Variants in MTRR observed in about 807,000 individuals in gnomAD.
The protein encoded by MTRR is methionine synthase reductase.
MTRR carries 63 observed loss-of-function variants against 79.2 expected under a neutral mutation model. The ratio of observed to expected loss-of-function variants is 0.80; its 90% CI spans 0.65 to 0.98. The LOEUF is 0.98. Among genes scored for constraint, MTRR ranks in the 50% least tolerant of loss-of-function variants. The pLI is 0.00. For missense variants in MTRR, 895 were observed against 839.6 expected, an observed-to-expected ratio of 1.07 and a Z score of -0.82; for synonymous variants, 355 against 313.3, an observed-to-expected ratio of 1.13 and a Z score of -1.41.
At chr5:7,873,671 TA>T in intron 3 of MTRR, 145 bp downstream of exon 3, 1 of 968,214 alleles carries the variant, frequency 1.0e-6, no homozygotes, top group Non-Finnish European at 1.5e-6. Flanking sequence ...TAAATGTATG[TA>T]ATGTGCTACC....
chr5:7,889,486 C>A (rs1327474599), intron 9 of MTRR, among the ~76,000 whole-genome samples: 1 of 152,166 alleles, frequency 6.6e-6, no homozygotes, highest in Non-Finnish European at 1.5e-5. Flanking sequence ...TTCCAGAAGT[C>A]ACAGAATTCC....
At chr5:7,869,051 G>A (rs1256050774), upstream of MTRR, 7 of 1,523,394 alleles carry the variant, frequency 4.6e-6, no homozygotes, top group East Asian at 1.4e-4. Context: ...TAGCAAACGC[G>A]GGGCGGGAGC....
chr5:7,883,738 A>G (rs1294032237), intron 6 of MTRR, among the ~76,000 whole-genome samples: 2 of 152,242 alleles, frequency 1.3e-5, no homozygotes, highest in Non-Finnish European at 2.9e-5. Context: ...GGACTAGGGA[A>G]GAATGGCTGG....
intron 14 of MTRR, among the ~76,000 whole-genome samples, chr5:7,899,231 A>G (rs971426964): frequency 2.0e-5 from 3 of 152,078 alleles, no homozygotes; most frequent in African/African-American, 7.2e-5. Context: ...TTTTAACATA[A>G]AGATTTGGAG....
At chr5:7,882,834 T>C (rs111574611) in intron 5 of MTRR, among the ~76,000 whole-genome samples, 1 of 152,226 alleles carries the variant, frequency 6.6e-6, no homozygotes, top group Non-Finnish European at 1.5e-5. Context: ...CTCTCCTTCC[T>C]GAAACATTTG....
intron 10 of MTRR, among the ~76,000 whole-genome samples, chr5:7,891,780 C>T (rs1467434638): frequency 6.6e-6 from 1 of 152,180 alleles, no homozygotes; most frequent in Non-Finnish European, 1.5e-5. Context: ...TGGTGACTCA[C>T]TCCTGTAATC....
At chr5:7,886,424 T>G (rs2126749856) in intron 7 of MTRR, among the ~76,000 whole-genome samples, 191 bp from the exon 8 acceptor site, 1 of 152,122 alleles carries the variant, frequency 6.6e-6, no homozygotes, top group South Asian at 2.1e-4. Flanking sequence ...TCTTCTTATG[T>G]TTTTGTAAGG....
upstream of MTRR, chr5:7,851,119 G>T (rs191998165): frequency 8.3e-7 from 1 of 1,211,384 alleles, no homozygotes; most frequent in Non-Finnish European, 1.0e-6. Context: ...CAGCGCCAGC[G>T]TCTAGCCCGC....
At chr5:7,894,905 G>A (rs1210969995) in intron 11 of MTRR, among the ~76,000 whole-genome samples, 1 of 152,194 alleles carries the variant, frequency 6.6e-6, no homozygotes, top group East Asian at 1.9e-4. Flanking sequence ...AGCAAAGAAG[G>A]CTAATGTAAT....
At position 7,895,989 on chromosome 5, in the gene MTRR, G is replaced by A. The variant is rs73034455; in HGVS notation, c.1676+137G>A. 1,777 of 1,140,996 alleles carry A rather than the reference G, an allele frequency of 1.6e-3. 17 individuals carry two copies. Among genetic ancestry groups the A allele is most frequent in the African/African-American group, 0.015 (946 of 63,590 alleles). The allele number at this position is 1,140,996 out of a possible 1,614,324, so 70.7% of individuals were successfully genotyped here. ...TATTCAATGTGCGATAACATAATTT[G>A]TCACCATGGGAAAAGTAAACACAAT... On this transcript the variant is annotated intron_variant, in intron 12 of 14. Coordinates refer to ENST00000440940, the MANE Select transcript of MTRR (RefSeq NM_002454.3).
intron 6 of MTRR, chr5:7,885,376 A>G: frequency 3.7e-6 from 1 of 272,054 alleles, no homozygotes; most frequent in Non-Finnish European, 7.0e-6. Flanking sequence ...TTTTATATTT[A>G]CATGGGTTAT....
intron 9 of MTRR, chr5:7,890,375 C>T (rs1259994984): frequency 1.3e-5 from 13 of 985,202 alleles, no homozygotes; most frequent in African/African-American, 7.0e-5. Flanking sequence ...GTGAAGTCTT[C>T]GAGAACCATC....
At chr5:7,861,773 G>C in intron 1 of MTRR, 15 of 1,448,184 alleles carry the variant, frequency 1.0e-5, no homozygotes, top group Non-Finnish European at 1.4e-5. Context: ...TGGACTGAAG[G>C]CTGCAAAGTA....
Position 7,883,948 on chromosome 5 carries a change from G to A in MTRR, c.903+671G>A, listed in dbSNP as rs934875791. Among the ~76,000 whole-genome samples, 477 of 152,246 alleles carry A rather than the reference G, an allele frequency of 3.1e-3. 4 individuals carry two copies. The highest frequency in any genetic ancestry group is 0.011 in the African/African-American group (457 of 41,546). On this transcript the variant is annotated intron_variant, in intron 6 of 14. Coordinates refer to ENST00000440940, the MANE Select transcript of MTRR (RefSeq NM_002454.3). ...CCCAGCACTTTGGGAGGCTGAAGGCGGTCACTTGAACCCAGGAGTTCCTGG... is the reference window on the plus strand; with the variant it reads ...CCCAGCACTTTGGGAGGCTGAAGGCAGTCACTTGAACCCAGGAGTTCCTGG...
intron 2 of MTRR, chr5:7,862,821 AC>A (rs1746654029): frequency 6.2e-7 from 1 of 1,602,214 alleles, no homozygotes. Context: ...TATACTACTT[AC>A]CTATTGTATA....
intron 14 of MTRR, among the ~76,000 whole-genome samples, chr5:7,898,389 A>C (rs982350856): frequency 6.6e-6 from 1 of 150,996 alleles, no homozygotes; most frequent in African/African-American, 2.4e-5. Flanking sequence ...CCAGACTCCT[A>C]AAACATTATT....
intron 11 of MTRR, 24 bp downstream of exon 11, chr5:7,892,937 C>T (rs1455549262): frequency 4.4e-6 from 7 of 1,603,664 alleles, no homozygotes; most frequent in Admixed American, 1.7e-5. Context: ...ACCTTAACCT[C>T]AGCATTGTTA....
intron 1 of MTRR, among the ~76,000 whole-genome samples, chr5:7,855,587 CT>C (rs1746222225): frequency 1.3e-5 from 2 of 151,958 alleles, no homozygotes; most frequent in Non-Finnish European, 2.9e-5. Context: ...AGCTCCTGGC[CT>C]CAAGTAATCC....
chr5:7,875,411 C>T, intron 4 of MTRR, 36 bp downstream of exon 4: 3 of 1,457,038 alleles, frequency 2.1e-6, no homozygotes, highest in Non-Finnish European at 2.9e-6. Context: ...CCAATAAGCC[C>T]TCTATACATG....
Sources: allele counts gnomAD v4.1 joint callset (sites outside exome capture counted in the v4.1 genomes callset), GRCh38; gene constraint gnomAD v4.1.1; transcripts MANE v1.5; gene names NCBI Gene and HGNC (gene_info 2026-07-23, HGNC 2026-07-21).